The following HERC6 variants were observed in gnomAD, a reference collection of about 807,000 sequenced individuals.
HERC6 encodes HECT and RLD domain containing E3 ubiquitin protein ligase family member 6, also known as probable E3 ubiquitin-protein ligase HERC6.
Under a neutral mutation model 114.5 loss-of-function variants are expected in HERC6, and 101 were observed. That is an observed-to-expected ratio of 0.88 (90% confidence interval 0.75 to 1.04). The LOEUF is 1.04. Among genes scored for constraint, HERC6 ranks in the 50% least tolerant of loss-of-function variants. The pLI is 0.00. For missense variants in HERC6, 1,133 were observed against 1,230.9 expected (o/e 0.92, Z 1.19); for synonymous variants, 408 against 436.2 (o/e 0.94, Z 0.81).
intron 4 of HERC6, 104 bp downstream of exon 4, chr4:88,390,983 C>A: frequency 1.1e-6 from 1 of 894,164 alleles, no homozygotes; most frequent in Non-Finnish European, 1.7e-6. Flanking sequence ...GGTTCCCAAA[C>A]TTGTGACACA....
chr4:88,393,166 A>G (rs561021418), intron 4 of HERC6, among the ~76,000 whole-genome samples: 1 of 152,344 alleles, frequency 6.6e-6, no homozygotes, highest in Non-Finnish European at 1.5e-5. Context: ...GCTTCCAGAA[A>G]TAAATGTTGA....
chr4:88,393,860 G>T (rs1045914161), intron 5 of HERC6, among the ~76,000 whole-genome samples: 2 of 152,168 alleles, frequency 1.3e-5, no homozygotes, highest in Admixed American at 1.3e-4. Flanking sequence ...CATAGTGAAG[G>T]GAGTGAGGGG....
chr4:88,404,880 C>T lies in HERC6; in HGVS notation c.1097C>T (p.Thr366Ile), dbSNP rs1377483787. ...TTGTTTCTTCCTTCCCTGAAGGATA[C>T]TAGTTCCACACGTGCTCCCGGGAAA... is the stretch of plus-strand genomic sequence containing the variant. Reference protein sequence around the residue: ...YANFVTTHQDTSSTRAPGKTL... With the variant: ...YANFVTTHQDISSTRAPGKTL... The change falls in exon 9 of 23, where the codon ACT (threonine) becomes ATT (isoleucine). Residue 366 changes from threonine (T) to isoleucine (I), a missense_variant. Transcript: ENST00000264346. 3 of 1,613,352 alleles carry T rather than the reference C, an allele frequency of 1.9e-6. No homozygotes were observed. The highest frequency in any genetic ancestry group is 2.7e-5 in the African/African-American group (2 of 75,020).
chr4:88,423,874 C>G lies in HERC6; in HGVS notation c.1728C>G (p.Asn576Lys), dbSNP rs777423473. The G allele has an allele frequency of 6.5e-7, 1 of 1,530,732 alleles. No homozygotes were observed. Among genetic ancestry groups the G allele is most frequent in the Non-Finnish European group, 8.8e-7 (1 of 1,136,504 alleles). The allele number at this position is 1,530,732 out of a possible 1,614,324, so 94.8% of individuals were successfully genotyped here. A position where few individuals can be genotyped will look rare whatever the true frequency, so the allele number is the denominator to read the frequency against. The change falls in exon 14 of 23, where the codon AAC (asparagine) becomes AAG (lysine). Residue 576 changes from asparagine to lysine, a missense_variant. Transcript: ENST00000264346. Reference sequence around the variant, plus strand: ...TTCTCTTTAAGGTAAACAAAGCTAACTGTCGACTACCAGAAAATACTTTCA... The same window carrying G: ...TTCTCTTTAAGGTAAACAAAGCTAAGTGTCGACTACCAGAAAATACTTTCA... Reference protein sequence around the residue: ...MKELHKVNKANCRLPENTFNI... With the variant: ...MKELHKVNKAKCRLPENTFNI...
At chr4:88,390,955 C>G in intron 4 of HERC6, 76 bp downstream of exon 4, 1 of 1,217,550 alleles carries the variant, frequency 8.2e-7, no homozygotes, top group Non-Finnish European at 1.1e-6. Context: ...AAAGGGCAGT[C>G]TTAACGCTTA....
chr4:88,428,855 T>C, intron 16 of HERC6, 105 bp downstream of exon 16: 1 of 961,134 alleles, frequency 1.0e-6, no homozygotes, highest in Non-Finnish European at 1.5e-6. Context: ...CCTCTATGGT[T>C]ATCAATCTTT....
chr4:88,442,486 C>G lies in HERC6; in HGVS notation c.*26C>G, dbSNP rs1359014357. On this transcript the variant is annotated 3_prime_UTR_variant, in exon 23 of 23. Coordinates refer to ENST00000264346, the MANE Select transcript of HERC6 (RefSeq NM_017912.4). ...TCACCTCTGAGAGACTCAGGGTGGG[C>G]TTTCTCACACTTGGATCCTTCTGTT... 1.3e-6 allele frequency: 2 copies of G among 1,504,486 alleles called. No individual in the cohort carries two copies. The highest frequency in any genetic ancestry group is 1.8e-6 in the Non-Finnish European group (2 of 1,083,958). The allele number at this position is 1,504,486 out of a possible 1,614,324, so 93.2% of individuals were successfully genotyped here.
intron 5 of HERC6, among the ~76,000 whole-genome samples, chr4:88,394,553 A>T (rs958681627): frequency 6.8e-5 from 10 of 147,740 alleles, no homozygotes; most frequent in African/African-American, 2.0e-4. Context: ...TATTATTATT[A>T]TTATTTTTTG....
intron 13 of HERC6, among the ~76,000 whole-genome samples, chr4:88,420,046 T>G (rs1736873026): frequency 6.6e-6 from 1 of 152,088 alleles, no homozygotes; most frequent in African/African-American, 2.4e-5. Context: ...TCGGCTTTTT[T>G]CTTTTTGGGT....
chr4:88,398,324 G>A, intron 8 of HERC6, 115 bp downstream of exon 8: 1 of 502,070 alleles, frequency 2.0e-6, no homozygotes, highest in Non-Finnish European at 3.4e-6. Flanking sequence ...AAACAATAAG[G>A]TCCTATATTA....
intron 4 of HERC6, among the ~76,000 whole-genome samples, chr4:88,392,761 C>T (rs1369047874): frequency 6.6e-6 from 1 of 152,130 alleles, no homozygotes; most frequent in Non-Finnish European, 1.5e-5. Flanking sequence ...TAACTGCAGC[C>T]TTGCAAGTAA....
Position 88,383,375 on chromosome 4 carries a change from A to G in HERC6, c.354A>G (p.Thr118=), listed in dbSNP as rs1734417423. The G allele has an allele frequency of 3.3e-6, 5 of 1,494,034 alleles. No individual in the cohort carries two copies. The South Asian group carries it at 4.1e-5, about 12-fold the overall frequency. 92.5% of individuals were successfully genotyped at this position (1,494,034 alleles called of 1,614,324 possible). A position where few individuals can be genotyped will look rare whatever the true frequency, so the allele number is the denominator to read the frequency against. ...GIGEFKEISF[T]PKKIMTLNDI... ...GAGAATTCAAGGAAATAAGTTTCAC[A>G]CCTAAGTAAGTGTTTCAACCCACTC... Residue 118 remains threonine (T), a synonymous_variant, in exon 2 of 23, where the codon ACA becomes ACG. Coordinates refer to ENST00000264346, the MANE Select transcript of HERC6 (RefSeq NM_017912.4).
chr4:88,441,950 T>G (rs1196313077), intron 22 of HERC6, among the ~76,000 whole-genome samples: 1 of 152,226 alleles, frequency 6.6e-6, no homozygotes, highest in Non-Finnish European at 1.5e-5. Context: ...CTCTCCCTGC[T>G]GAATCCTTTA....
intron 1 of HERC6, among the ~76,000 whole-genome samples, chr4:88,379,859 C>CATATATAAATATATATAAT (rs1734101614): frequency 4.1e-5 from 1 of 24,686 alleles, no homozygotes; most frequent in Non-Finnish European, 6.5e-5. Context: ...ATATATATAG[C>CATATATAAATATATATAAT]ATATAAATAT....
chr4:88,429,880 G>GT lies in HERC6; in HGVS notation c.2106+1131dup, dbSNP rs1402131072. ...TCCCCTTATGAGAGATGACCAAGGG[G>GT]TAAAAAAAAGTAAACTTCAAGCCAG... On this transcript the variant is annotated intron_variant, in intron 16 of 22. Transcript: ENST00000264346. 4.6e-5 allele frequency among the ~76,000 whole-genome samples: 7 copies of GT among 152,218 alleles called. No homozygotes were observed. In the East Asian group the frequency reaches 1.4e-3, roughly 29 times the overall value.
intron 13 of HERC6, among the ~76,000 whole-genome samples, chr4:88,419,953 CCCCTCT>C (rs1004085932): frequency 9.2e-5 from 14 of 151,980 alleles, no homozygotes; most frequent in Non-Finnish European, 1.2e-4. Context: ...CCTCTCTCTT[CCCCTCT>C]CCCTCTCCCT....
chr4:88,427,393 C>T (rs1419658060), intron 15 of HERC6, among the ~76,000 whole-genome samples: 1 of 152,192 alleles, frequency 6.6e-6, no homozygotes, highest in Non-Finnish European at 1.5e-5. Flanking sequence ...CCATGGAACT[C>T]AGACCCATGG....
chr4:88,394,550 A>ATTTTTT (rs1735116351), intron 5 of HERC6, among the ~76,000 whole-genome samples: 2 of 147,314 alleles, frequency 1.4e-5, no homozygotes, highest in Admixed American at 1.4e-4. Flanking sequence ...TATTATTATT[A>ATTTTTT]TTATTATTTT....
intron 8 of HERC6, chr4:88,398,466 G>C: frequency 3.3e-6 from 1 of 306,936 alleles, no homozygotes; most frequent in Non-Finnish European, 5.9e-6. Flanking sequence ...TGTTGAATTT[G>C]CATCATGTAA....
Sources: allele counts gnomAD v4.1 joint callset (sites outside exome capture counted in the v4.1 genomes callset), GRCh38; gene constraint gnomAD v4.1.1; transcripts MANE v1.5; gene names NCBI Gene and HGNC (gene_info 2026-07-23, HGNC 2026-07-21).